Variants in CEP112 observed in about 807,000 individuals in gnomAD.
CEP112 encodes centrosomal protein 112.
CEP112 carries 127 observed loss-of-function variants against 153.0 expected under a neutral mutation model. The ratio of observed to expected loss-of-function variants is 0.83; its 90% confidence interval spans 0.72 to 0.96. The LOEUF (loss-of-function observed/expected upper bound fraction) is 0.96. CEP112 is among the 40% of genes least tolerant of loss of function. The pLI is 0.00. For synonymous variants in CEP112, 358 were observed against 374.4 expected, an observed-to-expected ratio of 0.96 and a Z score of 0.51; for missense variants, 1,089 against 1,101.2, an observed-to-expected ratio of 0.99 and a Z score of 0.16.
chr17:65,902,928 G>A (rs773448427), intron 19 of CEP112, among the ~76,000 whole-genome samples: 3 of 152,166 alleles, frequency 2.0e-5, no homozygotes, highest in African/African-American at 7.2e-5. Flanking sequence ...TTCATAAAGA[G>A]CATTCTATTC....
chr17:65,951,698 A>G (rs2061832580), intron 18 of CEP112, among the ~76,000 whole-genome samples: 1 of 140,886 alleles, frequency 7.1e-6, no homozygotes, highest in Non-Finnish European at 1.5e-5. Context: ...AATTTTCCAT[A>G]TTTTTATGTA....
intron 6 of CEP112, among the ~76,000 whole-genome samples, chr17:66,102,015 T>C (rs2068587166): frequency 6.6e-6 from 1 of 151,878 alleles, no homozygotes; most frequent in African/African-American, 2.4e-5. Flanking sequence ...AACATCAAGC[T>C]GAGAAAAGTT....
At chr17:66,060,892 A>AG (rs1327406468) in intron 11 of CEP112, among the ~76,000 whole-genome samples, 1 of 96,134 alleles carries the variant, frequency 1.0e-5, no homozygotes, top group East Asian at 2.0e-4. Context: ...AACAAAAGCA[A>AG]GGAAAAAAAA....
intron 20 of CEP112, among the ~76,000 whole-genome samples, chr17:65,880,096 C>A (rs537540925): frequency 6.6e-6 from 1 of 151,916 alleles, no homozygotes. Context: ...CTATTGTAAA[C>A]GGTATTTTTT....
intron 21 of CEP112, among the ~76,000 whole-genome samples, chr17:65,828,779 G>C (rs2056953446): frequency 6.6e-6 from 1 of 151,808 alleles, no homozygotes; most frequent in Non-Finnish European, 1.5e-5. Context: ...AAATCCATGT[G>C]ATTATGATGT....
intron 20 of CEP112, 53 bp downstream of exon 20, chr17:65,902,099 T>C (rs954853093): frequency 5.1e-6 from 7 of 1,368,020 alleles, no homozygotes; most frequent in Non-Finnish European, 7.2e-6. Flanking sequence ...CATTAAACGC[T>C]GATGACTTTT....
rs564451155 is a variant in CEP112, at chr17:65,900,129, T to C, written c.2163+2023A>G. Among the ~76,000 whole-genome samples the C allele has an allele frequency of 3.9e-5, 6 of 152,268 alleles. No homozygotes were observed. The South Asian group carries it at 1.2e-3, about 32-fold the overall frequency. ...CAAATTATGAGTATTTTGGTACACA[T>C]GATAAGATTTTTTAAAGTACAGCTC... On this transcript the variant is annotated intron_variant, in intron 20 of 26. Coordinates refer to ENST00000535342, the MANE Select transcript of CEP112 (RefSeq NM_001199165.4).
intron 4 of CEP112, among the ~76,000 whole-genome samples, chr17:66,139,845 T>G (rs986680364): frequency 8.5e-5 from 13 of 152,078 alleles, no homozygotes; most frequent in African/African-American, 2.9e-4. Flanking sequence ...ACTGGTGAAT[T>G]CTACCAAACA....
intron 17 of CEP112, among the ~76,000 whole-genome samples, chr17:65,973,881 T>C (rs1454810707): frequency 4.6e-5 from 7 of 152,222 alleles, no homozygotes; most frequent in Non-Finnish European, 8.8e-5. Flanking sequence ...ACTTTAAATA[T>C]GTGAAATTTA....
At chr17:66,167,430 C>T (rs2072025051) in intron 4 of CEP112, among the ~76,000 whole-genome samples, 2 of 139,294 alleles carry the variant, frequency 1.4e-5, no homozygotes, top group East Asian at 2.1e-4. Flanking sequence ...GTACTAACCC[C>T]GAAGTTAGTA....
intron 24 of CEP112, among the ~76,000 whole-genome samples, chr17:65,685,235 A>G (rs1256263255): frequency 3.9e-5 from 6 of 152,242 alleles, no homozygotes. Context: ...GATGAGAAGC[A>G]GCTTTTGGTT....
chr17:65,829,218 T>C (rs1342052767), intron 21 of CEP112, among the ~76,000 whole-genome samples: 1 of 152,232 alleles, frequency 6.6e-6, no homozygotes, highest in Non-Finnish European at 1.5e-5. Flanking sequence ...TCATGTACTT[T>C]CTATTTATTT....
intron 19 of CEP112, among the ~76,000 whole-genome samples, chr17:65,921,435 GA>G (rs138875908): frequency 3.4e-5 from 5 of 146,006 alleles, no homozygotes; most frequent in East Asian, 4.0e-4. Flanking sequence ...ATATTCTGCT[GA>G]AAAAAAAAAG....
At position 66,176,553 on chromosome 17, in the gene CEP112, C is replaced by T. The variant is rs543100099; in HGVS notation, c.297+277G>A. ...ACCATTACAATCCAGTGAAAATTAGCAAAAAGTAAAGCTCAATATAAAAAA... is the reference window on the plus strand; with the variant it reads ...ACCATTACAATCCAGTGAAAATTAGTAAAAAGTAAAGCTCAATATAAAAAA... On this transcript the variant is annotated intron_variant, in intron 3 of 26. Coordinates refer to ENST00000535342, the MANE Select transcript of CEP112 (RefSeq NM_001199165.4). 55 of 241,238 alleles carry T rather than the reference C, an allele frequency of 2.3e-4. No individual in the cohort carries two copies. In the Middle Eastern group the frequency reaches 3.7e-3, roughly 16 times the overall value. 14.9% of individuals were successfully genotyped at this position (241,238 alleles called of 1,614,324 possible).
chr17:65,992,610 C>A (rs1307430871), intron 17 of CEP112, among the ~76,000 whole-genome samples: 1 of 152,124 alleles, frequency 6.6e-6, no homozygotes, highest in Non-Finnish European at 1.5e-5. Context: ...GTACAGAAAT[C>A]TTTATGTTTA....
At chr17:65,693,771 A>G (rs929429931) in intron 23 of CEP112, among the ~76,000 whole-genome samples, 2 of 152,124 alleles carry the variant, frequency 1.3e-5, no homozygotes, top group African/African-American at 4.8e-5. Flanking sequence ...CCAAATTCGT[A>G]TGTTGAAATC....
intron 24 of CEP112, among the ~76,000 whole-genome samples, chr17:65,656,521 T>C (rs911498805): frequency 2.0e-5 from 3 of 152,212 alleles, no homozygotes; most frequent in Non-Finnish European, 4.4e-5. Flanking sequence ...CAGACCAAAT[T>C]TGGGACACTG....
chr17:65,919,891 C>T (rs546276357), intron 19 of CEP112, among the ~76,000 whole-genome samples: 6 of 152,166 alleles, frequency 3.9e-5, no homozygotes, highest in Middle Eastern at 3.4e-3. Flanking sequence ...TGGAACTCCG[C>T]GGGAGTGCAT....
At chr17:66,168,377 C>CTA (rs1187685709) in intron 4 of CEP112, among the ~76,000 whole-genome samples, 1 of 150,488 alleles carries the variant, frequency 6.6e-6, no homozygotes, top group Non-Finnish European at 1.5e-5. Flanking sequence ...CCATAATAAC[C>CTA]TATATATATG....
Sources: gnomAD v4.1 joint callset for allele counts (sites outside exome capture counted in the v4.1 genomes callset) on GRCh38, gnomAD v4.1.1 for gene constraint, MANE v1.5 for transcripts, NCBI Gene and HGNC (gene_info 2026-07-23, HGNC 2026-07-21) for gene names.